Variants in RIMBP2 observed in about 807,000 individuals in gnomAD.
The protein encoded by RIMBP2 is RIMS binding protein 2.
RIMBP2 carries 48 observed loss-of-function variants against 118.6 expected under a neutral mutation model. That is an observed-to-expected ratio of 0.40 (90% CI 0.32 to 0.51). The LOEUF is 0.51. Ranked by LOEUF, RIMBP2 falls within the 20% of genes least tolerant of loss-of-function variation. The pLI, the probability that RIMBP2 is intolerant of heterozygous loss-of-function variation, is 0.41. For synonymous variants in RIMBP2, 762 were observed against 742.9 expected, an observed-to-expected ratio of 1.03 and a Z score of -0.42; for missense variants, 1,551 against 1,768.3, an observed-to-expected ratio of 0.88 and a Z score of 2.20.
intron 3 of RIMBP2, among the ~76,000 whole-genome samples, chr12:130,507,639 C>T (rs540241817): frequency 2.0e-5 from 3 of 152,310 alleles, no homozygotes; most frequent in Admixed American, 6.5e-5. Flanking sequence ...GGAAGGCAAG[C>T]GCCATGTTCA....
At chr12:130,499,344 C>T (rs530794194) in intron 4 of RIMBP2, among the ~76,000 whole-genome samples, 75 of 152,290 alleles carry the variant, frequency 4.9e-4, no homozygotes, top group African/African-American at 1.7e-3. Flanking sequence ...TACCTCTGTG[C>T]GGTCTCCCTG....
rs187844062 is a variant in RIMBP2, at chr12:130,511,831, G to A, written c.-126-5061C>T. 1.5e-3 allele frequency among the ~76,000 whole-genome samples: 227 copies of A among 151,980 alleles called. 2 individuals are homozygous for A. The highest frequency in any genetic ancestry group is 2.1e-3 in the Non-Finnish European group (141 of 67,976). Reference sequence around the variant, plus strand: ...GAATACCACCTGTCTCGGTGTCAAGGAAGCCACCCTCCACACACGTCTCTG... The same window carrying A: ...GAATACCACCTGTCTCGGTGTCAAGAAAGCCACCCTCCACACACGTCTCTG... On this transcript the variant is annotated intron_variant, in intron 3 of 22. Transcript: ENST00000690449. The surrounding 1 kb of genome is among the most constrained non-coding windows in gnomAD (Gnocchi z 4.3).
At chr12:130,635,754 G>A (rs2062311981) in intron 1 of RIMBP2, among the ~76,000 whole-genome samples, 1 of 152,080 alleles carries the variant, frequency 6.6e-6, no homozygotes, top group Admixed American at 6.5e-5. Flanking sequence ...GGAAAGATGG[G>A]GCCCAGGGGT....
intron 2 of RIMBP2, among the ~76,000 whole-genome samples, chr12:130,552,650 T>C (rs2055915038): frequency 6.6e-6 from 1 of 152,252 alleles, no homozygotes; most frequent in Non-Finnish European, 1.5e-5. Flanking sequence ...AATCAGCTTG[T>C]TCATTCTGCC....
chr12:130,563,809 G>C (rs572717129), intron 2 of RIMBP2, among the ~76,000 whole-genome samples: 69 of 152,292 alleles, frequency 4.5e-4, no homozygotes, highest in African/African-American at 1.6e-3. Context: ...CCAGCAGCTA[G>C]AGCGATCCTT....
intron 1 of RIMBP2, among the ~76,000 whole-genome samples, chr12:130,707,704 A>G (rs1337810910): frequency 6.6e-6 from 1 of 152,128 alleles, no homozygotes; most frequent in African/African-American, 2.4e-5. Context: ...AGGTGGACAC[A>G]GGAGGCCTGG....
At position 130,683,256 on chromosome 12, in the gene RIMBP2, G is replaced by A. The variant is rs1311618990; in HGVS notation, c.-352+32966C>T. On this transcript the variant is annotated intron_variant, in intron 1 of 22. Coordinates refer to ENST00000690449, the MANE Select transcript of RIMBP2 (RefSeq NM_001393629.1). The surrounding 1 kb of genome is among the most constrained non-coding windows in gnomAD (Gnocchi z 4.4). The stretch of plus-strand genomic sequence containing the variant: ...TGGCAGTGGAACCAGAGGTCGGAGT[G>A]ATGTGGCCACAAGCCCAAGGATGCC... Among the ~76,000 whole-genome samples the A allele has an allele frequency of 6.6e-6, 1 of 152,186 alleles. No homozygotes were observed. Among genetic ancestry groups the A allele is most frequent in the African/African-American group, 2.4e-5 (1 of 41,446 alleles).
At chr12:130,410,058 G>A (rs2075583517) in intron 19 of RIMBP2, among the ~76,000 whole-genome samples, 2 of 152,192 alleles carry the variant, frequency 1.3e-5, no homozygotes, top group East Asian at 1.9e-4. Flanking sequence ...CACCTGCGAC[G>A]GCCAGCCGTT....
chr12:130,671,307 A>C (rs1367844087), intron 1 of RIMBP2, among the ~76,000 whole-genome samples: 1 of 152,226 alleles, frequency 6.6e-6, no homozygotes, highest in Non-Finnish European at 1.5e-5. Context: ...AGATGCCGTC[A>C]TTCCTCACTG....
At chr12:130,645,093 C>CT (rs61370338) in intron 1 of RIMBP2, among the ~76,000 whole-genome samples, 3,802 of 143,596 alleles carry the variant, frequency 0.026, 98 homozygotes, top group African/African-American at 0.062. Flanking sequence ...CAAATCAGAA[C>CT]TTTTTTTTTT....
intron 5 of RIMBP2, among the ~76,000 whole-genome samples, chr12:130,478,519 C>A (rs1294662627): frequency 2.6e-5 from 4 of 152,216 alleles, no homozygotes; most frequent in Non-Finnish European, 5.9e-5. Context: ...GGTTCCTGTA[C>A]TCCTTGCAGG....
intron 2 of RIMBP2, among the ~76,000 whole-genome samples, chr12:130,545,246 T>C (rs2055006660): frequency 6.6e-6 from 1 of 152,140 alleles, no homozygotes; most frequent in Non-Finnish European, 1.5e-5. Context: ...CAGGAGATGT[T>C]AGAATCAGAC....
At chr12:130,472,954 T>C (rs189756889) in intron 5 of RIMBP2, among the ~76,000 whole-genome samples, 187 of 151,756 alleles carry the variant, frequency 1.2e-3, no homozygotes, top group African/African-American at 4.3e-3. Context: ...CAACAATAAA[T>C]AGCAAAATAG....
At chr12:130,618,889 C>A (rs1320676493) in intron 2 of RIMBP2, among the ~76,000 whole-genome samples, 1 of 151,950 alleles carries the variant, frequency 6.6e-6, no homozygotes, top group African/African-American at 2.4e-5. Flanking sequence ...AAGAGAGGAC[C>A]GAAGAAGGGA....
intron 2 of RIMBP2, among the ~76,000 whole-genome samples, chr12:130,593,417 C>T (rs533519595): frequency 2.0e-5 from 3 of 152,366 alleles, no homozygotes; most frequent in East Asian, 1.9e-4. Flanking sequence ...CCTGAACCTA[C>T]GAATTGAGAG....
At chr12:130,518,573 G>A (rs1329360910) in intron 2 of RIMBP2, among the ~76,000 whole-genome samples, 1 of 152,174 alleles carries the variant, frequency 6.6e-6, no homozygotes, top group Non-Finnish European at 1.5e-5. Context: ...TAGAGCCAGA[G>A]CTTTTATGGG....
At chr12:130,583,138 ACC>A (rs893802504) in intron 2 of RIMBP2, among the ~76,000 whole-genome samples, 6 of 152,254 alleles carry the variant, frequency 3.9e-5, no homozygotes, top group African/African-American at 1.4e-4. Context: ...GATTCAGTGC[ACC>A]GACTCCATCC....
Position 130,618,581 on chromosome 12 carries a change from T to C in RIMBP2, c.-217+9741A>G, listed in dbSNP as rs913985477. On this transcript the variant is annotated intron_variant, in intron 2 of 22. Transcript: ENST00000690449. ...CTAGTGTATTTGCCCTTTTGCCTAG[T>C]GCTGTGGGCTCCCAGGAGTTCTGCG... Among the ~76,000 whole-genome samples, 4 of 152,134 alleles carry C rather than the reference T, an allele frequency of 2.6e-5. No homozygotes were observed. In the South Asian group the frequency reaches 8.3e-4, roughly 32 times the overall value.
intron 2 of RIMBP2, among the ~76,000 whole-genome samples, chr12:130,545,689 G>A (rs554857426): frequency 1.3e-5 from 2 of 152,290 alleles, no homozygotes; most frequent in East Asian, 1.9e-4. Flanking sequence ...GCCGTCGAGT[G>A]TCACGTCTGG....
Sources: gnomAD v4.1 joint callset for allele counts (sites outside exome capture counted in the v4.1 genomes callset) on GRCh38, gnomAD v4.1.1 for gene constraint, Gnocchi (gnomAD v3.1) non-coding constraint, MANE v1.5 for transcripts, NCBI Gene and HGNC (gene_info 2026-07-23, HGNC 2026-07-21) for gene names.